UBL3: variants seen among roughly 807,000 people sequenced by gnomAD.
The protein encoded by UBL3 is ubiquitin-like protein 3.
A neutral mutation model predicts 18.4 loss-of-function variants in UBL3; 6 were observed. That is an observed-to-expected ratio of 0.33 (90% CI 0.18 to 0.64). The LOEUF (loss-of-function observed/expected upper bound fraction) is 0.64. UBL3 is among the 30% of genes least tolerant of loss of function. UBL3 has a pLI of 0.76. For synonymous variants in UBL3, 49 were observed against 46.6 expected (o/e 1.05, Z -0.21); for missense variants, 109 against 142.9 (o/e 0.76, Z 1.21).
intron 1 of UBL3, among the ~76,000 whole-genome samples, chr13:29,790,003 G>A (rs768505266): frequency 1.3e-5 from 2 of 152,054 alleles, no homozygotes; most frequent in African/African-American, 2.4e-5. Flanking sequence ...ATTTAAAAAG[G>A]TGCATCTTTC....
rs529394224 is a variant in UBL3, at chr13:29,823,112, G to T, written c.27+26400C>A. Reference sequence around the variant, plus strand: ...AATTAATTACAAAATTAGAATGAAAGAATAATAAACCAAATAGTAAATTTA... The same window carrying T: ...AATTAATTACAAAATTAGAATGAAATAATAATAAACCAAATAGTAAATTTA... On this transcript the variant is annotated intron_variant, in intron 1 of 4. Coordinates refer to ENST00000380680, the MANE Select transcript of UBL3 (RefSeq NM_007106.4). Among the ~76,000 whole-genome samples, 106 of 152,254 alleles carry T rather than the reference G, an allele frequency of 7.0e-4. 2 individuals carry two copies. The highest frequency in any genetic ancestry group is 3.4e-3 in the Middle Eastern group (1 of 294).
chr13:29,805,837 A>G (rs1471070961), intron 1 of UBL3, among the ~76,000 whole-genome samples: 4 of 152,230 alleles, frequency 2.6e-5, no homozygotes, highest in Non-Finnish European at 1.5e-5. Flanking sequence ...CCAGAAAACT[A>G]TGGCATTACA....
chr13:29,820,921 A>C (rs1350761866), intron 1 of UBL3, among the ~76,000 whole-genome samples: 1 of 152,194 alleles, frequency 6.6e-6, no homozygotes, highest in Non-Finnish European at 1.5e-5. Flanking sequence ...GGAATAACAG[A>C]CTGTCACATG....
chr13:29,796,714 C>T (rs1002774661), intron 1 of UBL3, among the ~76,000 whole-genome samples: 1 of 152,290 alleles, frequency 6.6e-6, no homozygotes, highest in South Asian at 2.1e-4. Context: ...CTATCTCCAA[C>T]CCACTAAGAT....
At chr13:29,842,588 T>C (rs1879133907) in intron 1 of UBL3, among the ~76,000 whole-genome samples, 1 of 152,210 alleles carries the variant, frequency 6.6e-6, no homozygotes, top group South Asian at 2.1e-4. Flanking sequence ...ATTAAGAGTT[T>C]CTTTATCTAT....
At position 29,820,106 on chromosome 13, in the gene UBL3, G is replaced by C. The variant is rs371065433; in HGVS notation, c.27+29406C>G. 1.2e-3 allele frequency among the ~76,000 whole-genome samples: 102 copies of C among 83,398 alleles called. 2 individuals are homozygous for C. Among genetic ancestry groups the C allele is most frequent in the Middle Eastern group, 6.1e-3 (1 of 164 alleles). The allele number at this position is 83,398 out of a possible 152,430, so 54.7% of individuals were successfully genotyped here. ...TAATGAAGTCCTAATAGTAGTATGC[G>C]AGTGACCCTGAAAAGAAAGATGTAT... On this transcript the variant is annotated intron_variant, in intron 1 of 4. Transcript: ENST00000380680.
rs546862463 is a variant in UBL3, at chr13:29,849,846, G to C, written c.-308C>G. The C allele has an allele frequency of 9.5e-6, 5 of 526,902 alleles. No homozygotes were observed. The highest frequency in any genetic ancestry group is 8.4e-5 in the South Asian group (4 of 47,680). 32.6% of individuals were successfully genotyped at this position (526,902 alleles called of 1,614,324 possible). On this transcript the variant is annotated 5_prime_UTR_variant, in exon 1 of 5. Transcript: ENST00000380680. ...CAGGACCGGCCGCGCCAGGTGGACC[G>C]AGCCGAGTGACACACGGACATGGAG...
intron 1 of UBL3, among the ~76,000 whole-genome samples, chr13:29,790,894 A>G (rs150452369): frequency 2.0e-5 from 3 of 152,200 alleles, no homozygotes; most frequent in Admixed American, 2.0e-4. Flanking sequence ...TCTCTCTCCC[A>G]GTCCCTGCTC....
At chr13:29,779,271 T>A (rs1371281056) in intron 1 of UBL3, 1 of 499,744 alleles carries the variant, frequency 2.0e-6, no homozygotes, top group Non-Finnish European at 4.0e-6. Flanking sequence ...GGTTTTCTCT[T>A]AATGTATGAA....
At chr13:29,779,298 C>T (rs1325701613) in intron 1 of UBL3, 1 of 473,612 alleles carries the variant, frequency 2.1e-6, no homozygotes, top group African/African-American at 2.0e-5. Flanking sequence ...ATACATATTA[C>T]CCTATGAACT....
At chr13:29,779,380 T>A in intron 1 of UBL3, 1 of 265,228 alleles carries the variant, frequency 3.8e-6, no homozygotes, top group Non-Finnish European at 7.3e-6. Flanking sequence ...CAGCCACTTG[T>A]GTTTAACTAG....
chr13:29,812,354 TTAAG>T (rs1488072682), intron 1 of UBL3, among the ~76,000 whole-genome samples: 1 of 152,040 alleles, frequency 6.6e-6, no homozygotes, highest in Non-Finnish European at 1.5e-5. Context: ...TTATATCACT[TTAAG>T]TATATGCAGC....
chr13:29,830,985 CCTT>C (rs1473521854), intron 1 of UBL3, among the ~76,000 whole-genome samples: 3 of 152,136 alleles, frequency 2.0e-5, no homozygotes, highest in Admixed American at 6.5e-5. Context: ...AAATCTGCCT[CCTT>C]GAGTTTCTCC....
At chr13:29,813,169 T>C (rs557624148) in intron 1 of UBL3, among the ~76,000 whole-genome samples, 3 of 152,194 alleles carry the variant, frequency 2.0e-5, no homozygotes, top group South Asian at 4.1e-4. Context: ...GCAATTGCTA[T>C]AGTTTTAATT....
At chr13:29,793,231 AACAG>A (rs1389957904) in intron 1 of UBL3, among the ~76,000 whole-genome samples, 5 of 152,216 alleles carry the variant, frequency 3.3e-5, no homozygotes, top group East Asian at 1.9e-4. Flanking sequence ...GTCAACGACT[AACAG>A]ACAGCAGAAA....
chr13:29,795,481 T>G (rs1877584825), intron 1 of UBL3, among the ~76,000 whole-genome samples: 1 of 151,938 alleles, frequency 6.6e-6, no homozygotes, highest in African/African-American at 2.4e-5. Flanking sequence ...ATTAATAATA[T>G]TAGTAACATT....
chr13:29,780,742 G>A (rs149352933), intron 1 of UBL3, among the ~76,000 whole-genome samples: 200 of 152,124 alleles, frequency 1.3e-3, no homozygotes, highest in Non-Finnish European at 2.6e-3. Flanking sequence ...TATCTTCAGT[G>A]ACAAATTTTT....
chr13:29,788,860 T>TGTGTGC (rs1340979251), intron 1 of UBL3, among the ~76,000 whole-genome samples: 4 of 10,856 alleles, frequency 3.7e-4, no homozygotes, highest in African/African-American at 6.7e-4. Context: ...TGTGTGTGTG[T>TGTGTGC]GTGTGTGTGT....
intron 1 of UBL3, among the ~76,000 whole-genome samples, chr13:29,836,951 CA>C (rs1388087945): frequency 6.6e-6 from 1 of 152,196 alleles, no homozygotes; most frequent in Non-Finnish European, 1.5e-5. Flanking sequence ...TCTTGGTAAA[CA>C]TGGCAAACTT....
Sources: allele counts gnomAD v4.1 joint callset (sites outside exome capture counted in the v4.1 genomes callset), GRCh38; gene constraint gnomAD v4.1.1; transcripts MANE v1.5; gene names NCBI Gene and HGNC (gene_info 2026-07-23, HGNC 2026-07-21).